ATP8A2: variants seen among roughly 807,000 people sequenced by gnomAD.
ATP8A2 encodes ATPase phospholipid transporting 8A2.
ATP8A2 carries 100 observed loss-of-function variants against 165.6 expected under a neutral mutation model. The observed-to-expected ratio is 0.60, with a 90% CI of 0.51 to 0.71. The LOEUF (loss-of-function observed/expected upper bound fraction) is 0.71, where lower values mean the gene tolerates loss of function less well. ATP8A2 is among the 30% of genes least tolerant of loss of function. The probability of loss-of-function intolerance (pLI) is 0.00; values close to 1 mark genes in which losing one functional copy is unlikely to be tolerated. For missense variants in ATP8A2, 1,227 were observed against 1,479.5 expected (o/e 0.83, Z 2.80); for synonymous variants, 543 against 548.8 (o/e 0.99, Z 0.15).
At chr13:25,532,175 C>G in intron 4 of ATP8A2, 97 bp from the exon 5 acceptor site, 1 of 958,442 alleles carries the variant, frequency 1.0e-6, no homozygotes, top group Non-Finnish European at 1.6e-6. Flanking sequence ...CATTTAGTTT[C>G]CTTGTCCCCT....
chr13:25,427,081 C>T (rs1013534565), intron 1 of ATP8A2, among the ~76,000 whole-genome samples: 1 of 152,196 alleles, frequency 6.6e-6, no homozygotes, highest in Admixed American at 6.5e-5. Context: ...GAACTCTCTA[C>T]ATCAGGGGTT....
chr13:25,542,375 T>A (rs1028918531), intron 9 of ATP8A2, among the ~76,000 whole-genome samples: 1 of 151,410 alleles, frequency 6.6e-6, no homozygotes, highest in African/African-American at 2.4e-5. Context: ...CAGAAATGTG[T>A]GTATGTGTAT....
chr13:25,770,289 T>G (rs568847580), intron 26 of ATP8A2, among the ~76,000 whole-genome samples: 1 of 152,230 alleles, frequency 6.6e-6, no homozygotes, highest in African/African-American at 2.4e-5. Context: ...AAACTGCTCC[T>G]AAGATCAGTG....
At chr13:25,843,857 G>T (rs541506198) in intron 30 of ATP8A2, among the ~76,000 whole-genome samples, 1 of 152,138 alleles carries the variant, frequency 6.6e-6, no homozygotes, top group East Asian at 1.9e-4. Context: ...GGTAGGGGCT[G>T]GAAAAGGGAA....
At chr13:25,505,530 T>G (rs1051592385) in intron 2 of ATP8A2, among the ~76,000 whole-genome samples, 3 of 152,190 alleles carry the variant, frequency 2.0e-5, no homozygotes, top group Non-Finnish European at 4.4e-5. Flanking sequence ...TGCCTTCACT[T>G]TTTATCACAT....
intron 27 of ATP8A2, among the ~76,000 whole-genome samples, chr13:25,808,723 CT>C (rs1288648536): frequency 6.6e-6 from 1 of 152,046 alleles, no homozygotes; most frequent in African/African-American, 2.4e-5. Flanking sequence ...GCTTGAGGTA[CT>C]GTGCCTGGCC....
intron 10 of ATP8A2, among the ~76,000 whole-genome samples, chr13:25,545,229 A>C (rs1201146900): frequency 1.3e-5 from 2 of 151,972 alleles, no homozygotes; most frequent in Non-Finnish European, 2.9e-5. Context: ...AAAAATGAAG[A>C]GTTGGTGAAT....
chr13:25,760,538 A>T (rs888859012), intron 25 of ATP8A2, among the ~76,000 whole-genome samples: 2 of 152,200 alleles, frequency 1.3e-5, no homozygotes, highest in Non-Finnish European at 2.9e-5. Context: ...GACACTAGCA[A>T]GATTTTTTTC....
chr13:25,811,519 C>T (rs920033489), intron 27 of ATP8A2, among the ~76,000 whole-genome samples: 8 of 152,094 alleles, frequency 5.3e-5, no homozygotes, highest in African/African-American at 1.7e-4. Context: ...GGTTGTACTT[C>T]TCTTCTATTC....
intron 24 of ATP8A2, among the ~76,000 whole-genome samples, chr13:25,645,212 GA>G (rs2041639901): frequency 6.6e-6 from 1 of 152,010 alleles, no homozygotes; most frequent in Non-Finnish European, 1.5e-5. Flanking sequence ...GCTGCAGCAA[GA>G]AAAAAATGAG....
At chr13:25,720,552 C>T (rs920078790) in intron 25 of ATP8A2, among the ~76,000 whole-genome samples, 1 of 152,124 alleles carries the variant, frequency 6.6e-6, no homozygotes, top group African/African-American at 2.4e-5. Context: ...TTGGGATCTC[C>T]GTGTGAAACT....
At chr13:26,006,061 T>G (rs1956730464) in intron 35 of ATP8A2, among the ~76,000 whole-genome samples, 1 of 151,992 alleles carries the variant, frequency 6.6e-6, no homozygotes, top group South Asian at 2.1e-4. Context: ...AAAAAAACCA[T>G]TGGGATTTTG....
At chr13:25,636,289 T>C (rs1296400295) in intron 24 of ATP8A2, among the ~76,000 whole-genome samples, 2 of 152,192 alleles carry the variant, frequency 1.3e-5, no homozygotes, top group African/African-American at 2.4e-5. Context: ...CTCAGCACAG[T>C]AGACATTAAG....
Position 25,922,552 on chromosome 13 carries a change from C to G in ATP8A2, c.3184-39023C>G, listed in dbSNP as rs557301765. On this transcript the variant is annotated intron_variant, in intron 33 of 36. Coordinates refer to ENST00000381655, the MANE Select transcript of ATP8A2 (RefSeq NM_016529.6). The stretch of plus-strand genomic sequence containing the variant: ...AGTCAGTGGGCAGGGAGTTGGTTTC[C>G]CGTAGGCAGCTGCCTGCACCTTCTG... Among the ~76,000 whole-genome samples, 8 of 152,248 alleles carry G rather than the reference C, an allele frequency of 5.3e-5. No individual in the cohort carries two copies. The South Asian group carries it at 1.7e-3, about 32-fold the overall frequency.
At chr13:25,966,029 G>GAAAAAAAAA (rs61635155) in intron 34 of ATP8A2, among the ~76,000 whole-genome samples, 2 of 133,544 alleles carry the variant, frequency 1.5e-5, no homozygotes, top group East Asian at 4.3e-4. Flanking sequence ...AAGAGTTTCA[G>GAAAAAAAAA]AAAAAAAAAA....
chr13:25,469,197 C>A (rs1367239052), intron 2 of ATP8A2, 76 bp downstream of exon 2: 147 of 1,530,678 alleles, frequency 9.6e-5, no homozygotes, highest in Non-Finnish European at 1.2e-4. Context: ...CTGCGCGGGG[C>A]TTGGCCGCGC....
chr13:25,808,507 G>A (rs947510487), intron 27 of ATP8A2, among the ~76,000 whole-genome samples: 2 of 151,532 alleles, frequency 1.3e-5, no homozygotes, highest in African/African-American at 4.9e-5. Flanking sequence ...GCTGAGGCAG[G>A]AGAATCACTT....
At chr13:25,451,107 G>A (rs967374711) in intron 1 of ATP8A2, among the ~76,000 whole-genome samples, 7 of 152,018 alleles carry the variant, frequency 4.6e-5, no homozygotes, top group African/African-American at 1.7e-4. Context: ...CCCCCATGAG[G>A]TTGTCTCGTA....
intron 13 of ATP8A2, among the ~76,000 whole-genome samples, chr13:25,558,022 A>G (rs1166997726): frequency 3.3e-5 from 5 of 151,408 alleles, no homozygotes; most frequent in Admixed American, 1.3e-4. Context: ...TTCTGCCTCA[A>G]CCTCCTGAGT....
Sources: gnomAD v4.1 joint callset for allele counts (sites outside exome capture counted in the v4.1 genomes callset) on GRCh38, gnomAD v4.1.1 for gene constraint, MANE v1.5 for transcripts, NCBI Gene and HGNC (gene_info 2026-07-23, HGNC 2026-07-21) for gene names.